MITF: variants seen among roughly 807,000 people sequenced by gnomAD.
MITF encodes microphthalmia-associated transcription factor.
Under a neutral mutation model 60.5 loss-of-function variants are expected in MITF, and 17 were observed. That is an observed-to-expected ratio of 0.28 (90% CI 0.19 to 0.42). MITF has a LOEUF of 0.42. MITF is among the 10% of genes least tolerant of loss of function. The pLI, the probability that MITF is intolerant of heterozygous loss-of-function variation, is 1.00. For synonymous variants in MITF, 260 were observed against 248.5 expected (o/e 1.05, Z -0.43); for missense variants, 622 against 683.5 (o/e 0.91, Z 1.00).
At chr3:69,963,639 T>C (rs1343038050) in intron 9 of MITF, among the ~76,000 whole-genome samples, 3 of 152,210 alleles carry the variant, frequency 2.0e-5, no homozygotes, top group Admixed American at 6.5e-5. Context: ...TGGAATCAGA[T>C]TGGACACCAT....
At chr3:69,943,242 A>T (rs2066013135) in intron 5 of MITF, among the ~76,000 whole-genome samples, 1 of 151,932 alleles carries the variant, frequency 6.6e-6, no homozygotes, top group Admixed American at 6.6e-5. Flanking sequence ...CCACAAAAAA[A>T]TCAAGGCATC....
chr3:69,820,593 G>A (rs985686511), intron 1 of MITF, among the ~76,000 whole-genome samples: 3 of 152,060 alleles, frequency 2.0e-5, no homozygotes, highest in East Asian at 3.9e-4. Context: ...AGTTCTTTTT[G>A]GATTCTGATG....
At position 69,801,633 on chromosome 3, in the gene MITF, T is replaced by G. The variant is rs113731640; in HGVS notation, c.104+61932T>G. 4.3e-3 allele frequency among the ~76,000 whole-genome samples: 658 copies of G among 152,264 alleles called. 6 individuals carry two copies. Among genetic ancestry groups the G allele is most frequent in the African/African-American group, 0.015 (612 of 41,546 alleles). ...GCAACTGTGATATATTTTACATGAGTACTTTAAGGGACCATTTTAGATTCC... is the reference window on the plus strand; with the variant it reads ...GCAACTGTGATATATTTTACATGAGGACTTTAAGGGACCATTTTAGATTCC... On this transcript the variant is annotated intron_variant, in intron 1 of 9. Coordinates refer to ENST00000352241, the MANE Select transcript of MITF (RefSeq NM_001354604.2).
At chr3:69,834,903 A>G (rs6791135) in intron 1 of MITF, among the ~76,000 whole-genome samples, 109,967 of 145,148 alleles carry the variant, frequency 0.76, 42,428 homozygotes, top group Non-Finnish European at 0.86. Flanking sequence ...GTATCTCCCT[A>G]CGGCTTTGAT....
At chr3:69,881,241 G>A (rs1338547643) in intron 2 of MITF, among the ~76,000 whole-genome samples, 1 of 152,042 alleles carries the variant, frequency 6.6e-6, no homozygotes, top group African/African-American at 2.4e-5. Flanking sequence ...ACAGCTGGAC[G>A]ACATACTCTA....
chr3:69,889,297 CTG>C (rs2064704404), intron 2 of MITF, among the ~76,000 whole-genome samples: 3 of 151,826 alleles, frequency 2.0e-5, no homozygotes, highest in African/African-American at 7.2e-5. Flanking sequence ...ATTCATAACT[CTG>C]TGAACTTGGG....
At chr3:69,908,467 G>A (rs939108057) in intron 2 of MITF, among the ~76,000 whole-genome samples, 15 of 152,062 alleles carry the variant, frequency 9.9e-5, no homozygotes, top group Admixed American at 1.3e-4. Flanking sequence ...CTGAGTAGAA[G>A]TTTTTTAAAT....
intron 2 of MITF, among the ~76,000 whole-genome samples, chr3:69,914,452 A>G (rs1005417558): frequency 6.6e-6 from 1 of 152,136 alleles, no homozygotes; most frequent in African/African-American, 2.4e-5. Context: ...GAACGGTTTT[A>G]TATTTCAGAA....
intron 1 of MITF, among the ~76,000 whole-genome samples, chr3:69,787,066 CAT>C: frequency 6.6e-6 from 1 of 152,276 alleles, no homozygotes; most frequent in East Asian, 1.9e-4. Context: ...TTCTCTCCCG[CAT>C]GTGGTGAGAG....
At chr3:69,901,805 G>A (rs1258492483) in intron 2 of MITF, among the ~76,000 whole-genome samples, 4 of 152,162 alleles carry the variant, frequency 2.6e-5, no homozygotes, top group African/African-American at 4.8e-5. Flanking sequence ...ACGACATAGC[G>A]TGTGCTGAGC....
chr3:69,740,028 G>A (rs1703471419), intron 1 of MITF, among the ~76,000 whole-genome samples: 6 of 152,186 alleles, frequency 3.9e-5, no homozygotes. Flanking sequence ...ATGTGGGGGA[G>A]GAGGAGCGCC....
At chr3:69,788,019 C>T (rs765933846) in intron 1 of MITF, among the ~76,000 whole-genome samples, 7 of 152,058 alleles carry the variant, frequency 4.6e-5, no homozygotes. Flanking sequence ...GATGAGAAAA[C>T]TGAGGTTAAA....
At chr3:69,796,494 C>CTTTTTTTTTGT (rs2062830290) in intron 1 of MITF, among the ~76,000 whole-genome samples, 1 of 80,328 alleles carries the variant, frequency 1.2e-5, no homozygotes, top group Non-Finnish European at 2.6e-5. Context: ...CACCGTCTTT[C>CTTTTTTTTTGT]TTTTTTTTTT....
rs113867412 is a variant in MITF at position 69,909,810 on chromosome 3, A to G, written c.355-28012A>G. On this transcript the variant is annotated intron_variant, in intron 2 of 9. Coordinates refer to ENST00000352241, the MANE Select transcript of MITF (RefSeq NM_001354604.2). ...AAAAGGTGACTTTGGGTGCTGTTAA[A>G]ACCATTCCATTTTAAAAGGAAAACA... Among the ~76,000 whole-genome samples, 1,233 of 152,282 alleles carry G rather than the reference A, an allele frequency of 8.1e-3. 13 individuals carry two copies. The highest frequency in any genetic ancestry group is 0.028 in the African/African-American group (1,153 of 41,530).
chr3:69,938,182 C>T, intron 3 of MITF, 133 bp downstream of exon 3: 2 of 1,183,638 alleles, frequency 1.7e-6, no homozygotes, highest in Non-Finnish European at 2.5e-6. Context: ...CCCCGATTCA[C>T]CATCGTGGCT....
In MITF at chr3:69,773,222, C is replaced by T. The variant is rs550470871; in HGVS notation, c.104+33521C>T. Among the ~76,000 whole-genome samples the T allele has an allele frequency of 1.4e-4, 21 of 152,216 alleles. No individual in the cohort carries two copies. The South Asian group carries it at 4.2e-3, about 30-fold the overall frequency. On this transcript the variant is annotated intron_variant, in intron 1 of 9. Coordinates refer to ENST00000352241, the MANE Select transcript of MITF (RefSeq NM_001354604.2). ...TTCAGTAACAGCATCATGGCCACAG[C>T]GGCTGGACCAGGCTGAGCAAAGTGG...
intron 2 of MITF, among the ~76,000 whole-genome samples, chr3:69,894,834 A>G (rs2064837635): frequency 6.6e-6 from 1 of 152,126 alleles, no homozygotes; most frequent in East Asian, 1.9e-4. Context: ...CTACTTGCTG[A>G]CCTTTATTTT....
At chr3:69,952,316 T>C (rs2066276594) in intron 7 of MITF, among the ~76,000 whole-genome samples, 2 of 152,160 alleles carry the variant, frequency 1.3e-5, no homozygotes, top group Admixed American at 1.3e-4. Flanking sequence ...AGTAAATGGA[T>C]GAGGCAGCCT....
intron 2 of MITF, among the ~76,000 whole-genome samples, chr3:69,893,979 G>C (rs2064816918): frequency 6.6e-6 from 1 of 152,120 alleles, no homozygotes; most frequent in East Asian, 1.9e-4. Flanking sequence ...GGTAAAAATT[G>C]GGGTTAAAGT....
Sources: allele counts gnomAD v4.1 joint callset (sites outside exome capture counted in the v4.1 genomes callset), GRCh38; gene constraint gnomAD v4.1.1; transcripts MANE v1.5; gene names NCBI Gene and HGNC (gene_info 2026-07-23, HGNC 2026-07-21).